MADD: variants seen among roughly 807,000 people sequenced by gnomAD.
MADD encodes MAP kinase-activating death domain protein.
Under a neutral mutation model 176.7 loss-of-function variants are expected in MADD, and 109 were observed. The observed-to-expected ratio is 0.62, with a 90% CI of 0.53 to 0.72. The LOEUF (loss-of-function observed/expected upper bound fraction) is 0.72, where lower values mean the gene tolerates loss of function less well. Among genes scored for constraint, MADD ranks in the 30% least tolerant of loss-of-function variants. The probability of loss-of-function intolerance (pLI) is 0.00; values close to 1 mark genes in which losing one functional copy is unlikely to be tolerated. For missense variants in MADD, 1,914 were observed against 2,045.5 expected, an observed-to-expected ratio of 0.94 and a Z score of 1.24; for synonymous variants, 771 against 771.3, an observed-to-expected ratio of 1.00 and a Z score of 0.01.
chr11:47,307,775 T>A (rs1186064116), intron 22 of MADD, among the ~76,000 whole-genome samples: 6 of 152,106 alleles, frequency 3.9e-5, no homozygotes, highest in Non-Finnish European at 8.8e-5. Context: ...TTCAAGCGAT[T>A]CTCCTGCCTT....
intron 27 of MADD, among the ~76,000 whole-genome samples, chr11:47,315,753 G>T (rs527653932): frequency 6.6e-6 from 1 of 151,640 alleles, no homozygotes; most frequent in Non-Finnish European, 1.5e-5. Context: ...GGTATTATAG[G>T]CATGAGCCAC....
At chr11:47,323,100 T>G (rs2094783276) in intron 27 of MADD, among the ~76,000 whole-genome samples, 1 of 151,968 alleles carries the variant, frequency 6.6e-6, no homozygotes, top group Admixed American at 6.6e-5. Context: ...TAGCTGAGCA[T>G]GGTGATGTGT....
rs531204379 is a variant in MADD, at chr11:47,284,816, G to A, written c.2158-125G>A. 20 of 1,392,170 alleles carry A rather than the reference G, an allele frequency of 1.4e-5. No homozygotes were observed. The South Asian group carries it at 2.5e-4, about 17-fold the overall frequency. 86.2% of individuals were successfully genotyped at this position (1,392,170 alleles called of 1,614,324 possible). On this transcript the variant is annotated intron_variant, in intron 12 of 32. Transcript: ENST00000402192. ...GGGGACAGAGAACGGGTGCTACAGA[G>A]ATCATTTCCCACACATTCCTTAGGC... is the stretch of plus-strand genomic sequence containing the variant.
intron 19 of MADD, among the ~76,000 whole-genome samples, chr11:47,292,234 T>G (rs1191075080): frequency 6.6e-6 from 1 of 152,196 alleles, no homozygotes; most frequent in Non-Finnish European, 1.5e-5. Flanking sequence ...CCAGCCTCTT[T>G]AGGACCAGTT....
intron 27 of MADD, among the ~76,000 whole-genome samples, chr11:47,318,086 A>G (rs572208820): frequency 1.3e-5 from 2 of 152,118 alleles, no homozygotes; most frequent in Non-Finnish European, 2.9e-5. Flanking sequence ...ATATAATTAA[A>G]TTAATCAATA....
chr11:47,282,239 G>A lies in MADD; in HGVS notation c.1470-142G>A, dbSNP rs531478889. The stretch of plus-strand genomic sequence containing the variant: ...TAAACCACGTGCTCAGGATGAAGAG[G>A]GGGCTGATGATTCTTTAAGATATCT... On this transcript the variant is annotated intron_variant, in intron 8 of 32. Transcript: ENST00000402192. 5.3e-5 allele frequency: 34 copies of A among 642,158 alleles called. No homozygotes were observed. In the Middle Eastern group the frequency reaches 1.2e-3, roughly 23 times the overall value. 39.8% of individuals were successfully genotyped at this position (642,158 alleles called of 1,614,324 possible).
chr11:47,287,047 C>T (rs1234533990), intron 15 of MADD, among the ~76,000 whole-genome samples: 1 of 152,194 alleles, frequency 6.6e-6, no homozygotes, highest in African/African-American at 2.4e-5. Flanking sequence ...ATGTGAAAGC[C>T]AGGCGCGGTG....
intron 1 of MADD, chr11:47,272,447 T>A (rs551438829): frequency 2.6e-5 from 4 of 152,130 alleles, no homozygotes; most frequent in African/African-American, 9.7e-5. Flanking sequence ...TATATGGGAG[T>A]GCCCGCAGCA....
Position 47,328,793 on chromosome 11 carries a change from G to A in MADD, c.4659+89G>A, listed in dbSNP as rs55826033. On this transcript the variant is annotated intron_variant, in intron 32 of 32. Coordinates refer to ENST00000402192, the Ensembl canonical transcript of MADD. ...AGGAGGAGGGGAGGGCCCTCTGAGC[G>A]CACAGGGGTGAGTGGGGACCTCGTT... is the stretch of plus-strand genomic sequence containing the variant. 2.8e-3 allele frequency: 4,350 copies of A among 1,541,886 alleles called. 78 individuals are homozygous for A. In the African/African-American group the frequency reaches 0.038, roughly 14 times the overall value.
chr11:47,273,625 C>T (rs779432798), intron 1 of MADD, among the ~76,000 whole-genome samples: 1 of 101,840 alleles, frequency 9.8e-6, no homozygotes, highest in African/African-American at 2.8e-5. Context: ...CGTGAGCCAC[C>T]ATGCCTGGCC....
intron 27 of MADD, among the ~76,000 whole-genome samples, chr11:47,318,911 G>C (rs751580289): frequency 7.0e-6 from 1 of 141,924 alleles, no homozygotes; most frequent in Non-Finnish European, 1.5e-5. Flanking sequence ...AGGTTCAAGC[G>C]ATTCTCCTGC....
At chr11:47,282,467 C>G in exon 9 of MADD, 1 of 1,614,210 alleles carries the variant, frequency 6.2e-7, no homozygotes, top group Non-Finnish European at 8.5e-7. Flanking sequence ...TTTCCTCGGC[C>G]TGTGGTAGCT....
At chr11:47,307,781 G>A (rs2084219687) in intron 22 of MADD, among the ~76,000 whole-genome samples, 1 of 151,986 alleles carries the variant, frequency 6.6e-6, no homozygotes, top group African/African-American at 2.4e-5. Flanking sequence ...CGATTCTCCT[G>A]CCTTAGCCTC....
intron 22 of MADD, among the ~76,000 whole-genome samples, chr11:47,302,372 CCCAG>C (rs1236729005): frequency 6.6e-6 from 1 of 152,112 alleles, no homozygotes; most frequent in African/African-American, 2.4e-5. Context: ...TGCTGCCATG[CCCAG>C]CTAATTTTTG....
intron 14 of MADD, 68 bp downstream of exon 14, chr11:47,285,658 C>G: frequency 1.3e-6 from 2 of 1,598,146 alleles, no homozygotes; most frequent in Non-Finnish European, 1.7e-6. Context: ...CTGACTATGG[C>G]AAATGTTGCT....
Position 47,277,858 on chromosome 11 carries a change from CA to C in MADD, c.1096-306del, listed in dbSNP as rs374168639. Among the ~76,000 whole-genome samples the C allele has an allele frequency of 2.5e-4, 38 of 152,242 alleles. No homozygotes were observed. The South Asian group carries it at 7.3e-3, about 29-fold the overall frequency. The stretch of plus-strand genomic sequence containing the variant: ...CTGCACTTCAGATATGATCAAGCTG[CA>C]GTTTAAAATTTATGAATTGTTTATT... On this transcript the variant is annotated intron_variant, in intron 5 of 32. Transcript: ENST00000402192.
intron 19 of MADD, among the ~76,000 whole-genome samples, chr11:47,292,028 G>C (rs1368626787): frequency 6.6e-6 from 1 of 152,186 alleles, no homozygotes; most frequent in Non-Finnish European, 1.5e-5. Context: ...CTGCCTGCAT[G>C]AATTGGCCTT....
rs2095665577 is a variant in MADD at position 47,328,224 on chromosome 11, G to T, written c.4613-434G>T. ...AACATGACCCAATTTTCAGGCTGGTGACGAGTTCACGGGTGTCTCAGCAAA... is the reference window on the plus strand; with the variant it reads ...AACATGACCCAATTTTCAGGCTGGTTACGAGTTCACGGGTGTCTCAGCAAA... On this transcript the variant is annotated intron_variant, in intron 31 of 32. Coordinates refer to ENST00000402192, the Ensembl canonical transcript of MADD. 11 of 1,074,200 alleles carry T rather than the reference G, an allele frequency of 1.0e-5. No individual in the cohort carries two copies. The Admixed American group carries it at 5.3e-4, about 52-fold the overall frequency. The allele number at this position is 1,074,200 out of a possible 1,614,324, so 66.5% of individuals were successfully genotyped here. A position where few individuals can be genotyped will look rare whatever the true frequency, so the allele number is the denominator to read the frequency against.
At chr11:47,312,007 C>T (rs545085306) in intron 26 of MADD, among the ~76,000 whole-genome samples, 165 bp downstream of exon 29, 52 of 152,296 alleles carry the variant, frequency 3.4e-4, no homozygotes, top group African/African-American at 1.2e-3. Context: ...ATAAAACCAT[C>T]GTAGTGCATC....
Sources: gnomAD v4.1 joint callset for allele counts (sites outside exome capture counted in the v4.1 genomes callset) on GRCh38, gnomAD v4.1.1 for gene constraint, MANE v1.5 for transcripts, NCBI Gene and HGNC (gene_info 2026-07-23, HGNC 2026-07-21) for gene names.